Variants in PHYHIPL observed in about 807,000 individuals in gnomAD.
PHYHIPL encodes the protein phytanoyl-CoA hydroxylase-interacting protein-like.
PHYHIPL carries 9 observed loss-of-function variants against 33.4 expected under a neutral mutation model. The ratio of observed to expected loss-of-function variants is 0.27; its 90% confidence interval spans 0.16 to 0.47. The LOEUF is 0.47. Ranked by LOEUF, PHYHIPL falls within the 20% of genes least tolerant of loss-of-function variation. The pLI is 0.99. For synonymous variants in PHYHIPL, 153 were observed against 154.1 expected (o/e 0.99, Z 0.05); for missense variants, 365 against 460.7 (o/e 0.79, Z 1.90).
At chr10:59,178,959 T>G (rs1838326880) in intron 1 of PHYHIPL, among the ~76,000 whole-genome samples, 1 of 152,146 alleles carries the variant, frequency 6.6e-6, no homozygotes, top group Non-Finnish European at 1.5e-5. Context: ...ATAGACTAAT[T>G]AAATAGGGTT....
intron 1 of PHYHIPL, among the ~76,000 whole-genome samples, chr10:59,193,623 T>G (rs1341063717): frequency 6.6e-6 from 1 of 152,202 alleles, no homozygotes; most frequent in Non-Finnish European, 1.5e-5. Flanking sequence ...AGTCTCTTTT[T>G]TTAAACTTAT....
chr10:59,198,253 C>A (rs1294563991), intron 1 of PHYHIPL, among the ~76,000 whole-genome samples: 1 of 151,400 alleles, frequency 6.6e-6, no homozygotes, highest in Non-Finnish European at 1.5e-5. Flanking sequence ...CTTCCTGTGT[C>A]CAAGTGTTCT....
intron 1 of PHYHIPL, among the ~76,000 whole-genome samples, chr10:59,192,285 C>G (rs1013369996): frequency 1.3e-5 from 2 of 151,940 alleles, no homozygotes; most frequent in Non-Finnish European, 2.9e-5. Context: ...TCTCAGTCAC[C>G]TCTTTATTAA....
intron 1 of PHYHIPL, among the ~76,000 whole-genome samples, chr10:59,204,509 T>G (rs1041091487): frequency 6.6e-6 from 1 of 152,188 alleles, no homozygotes; most frequent in African/African-American, 2.4e-5. Flanking sequence ...AGGAGGAGAA[T>G]TTCAGAGTCC....
At chr10:59,227,412 T>A (rs1364263688) in intron 1 of PHYHIPL, among the ~76,000 whole-genome samples, 2 of 152,142 alleles carry the variant, frequency 1.3e-5, no homozygotes, top group African/African-American at 4.8e-5. Context: ...TCCCATGAGA[T>A]GGCATTAATC....
intron 1 of PHYHIPL, among the ~76,000 whole-genome samples, chr10:59,209,063 A>G (rs1839369247): frequency 6.6e-6 from 1 of 152,100 alleles, no homozygotes; most frequent in Non-Finnish European, 1.5e-5. Context: ...ATTCAAATTC[A>G]GGAAATACAG....
chr10:59,219,355 A>G (rs750983658), intron 1 of PHYHIPL: 14 of 437,076 alleles, frequency 3.2e-5, no homozygotes, highest in Admixed American at 2.6e-4. Flanking sequence ...TGAAGTACCC[A>G]TCAATAAGTT....
At chr10:59,241,308 C>G (rs1840387413) in intron 4 of PHYHIPL, among the ~76,000 whole-genome samples, 1 of 151,436 alleles carries the variant, frequency 6.6e-6, no homozygotes. Context: ...GTTTATAATC[C>G]ATTTTGAATT....
At chr10:59,181,575 C>A (rs11599871) in intron 1 of PHYHIPL, among the ~76,000 whole-genome samples, 63 of 152,274 alleles carry the variant, frequency 4.1e-4, no homozygotes, top group Non-Finnish European at 5.6e-4. Flanking sequence ...TAGAGCCCTT[C>A]TCTGTTCTTA....
chr10:59,204,235 G>A (rs1288188871), intron 1 of PHYHIPL, among the ~76,000 whole-genome samples: 1 of 152,144 alleles, frequency 6.6e-6, no homozygotes, highest in Non-Finnish European at 1.5e-5. Context: ...CTTCTATCCT[G>A]CTAGGAGACT....
At chr10:59,186,796 T>C (rs1838619260) in intron 1 of PHYHIPL, among the ~76,000 whole-genome samples, 1 of 152,184 alleles carries the variant, frequency 6.6e-6, no homozygotes. Context: ...ATGCTTGTGA[T>C]TTTTGTACAT....
intron 1 of PHYHIPL, among the ~76,000 whole-genome samples, chr10:59,223,593 T>C (rs1839838013): frequency 6.6e-6 from 1 of 152,116 alleles, no homozygotes; most frequent in African/African-American, 2.4e-5. Flanking sequence ...TGTAAATAAA[T>C]ATGAATAACG....
At position 59,218,034 on chromosome 10, in the gene PHYHIPL, A is replaced by G. The variant is rs1340417416; in HGVS notation, c.107-16270A>G. 2.6e-5 allele frequency among the ~76,000 whole-genome samples: 4 copies of G among 152,168 alleles called. No homozygotes were observed. In the East Asian group the frequency reaches 5.8e-4, roughly 22 times the overall value. On this transcript the variant is annotated intron_variant, in intron 1 of 4. Coordinates refer to ENST00000373880, the MANE Select transcript of PHYHIPL (RefSeq NM_032439.4). ...ATACGTATACTTGACATCAGACCCAAAGTTGCCAGTGGCATTGCTCGGAGT... is the reference window on the plus strand; with the variant it reads ...ATACGTATACTTGACATCAGACCCAGAGTTGCCAGTGGCATTGCTCGGAGT...
At chr10:59,193,906 T>G (rs1000954496) in intron 1 of PHYHIPL, among the ~76,000 whole-genome samples, 2 of 152,122 alleles carry the variant, frequency 1.3e-5, no homozygotes, top group Non-Finnish European at 2.9e-5. Context: ...TTGCTGTTTA[T>G]ACTACTTGTT....
chr10:59,204,990 A>G (rs1168034452), intron 1 of PHYHIPL, among the ~76,000 whole-genome samples: 4 of 150,878 alleles, frequency 2.7e-5, no homozygotes, highest in Non-Finnish European at 5.9e-5. Flanking sequence ...CCAGCCTCCC[A>G]AGTGGCTGGG....
At chr10:59,187,023 G>C (rs1838627079) in intron 1 of PHYHIPL, among the ~76,000 whole-genome samples, 1 of 152,124 alleles carries the variant, frequency 6.6e-6, no homozygotes, top group Admixed American at 6.5e-5. Flanking sequence ...GGTGAGAGAG[G>C]GCATCCCTGT....
intron 1 of PHYHIPL, among the ~76,000 whole-genome samples, chr10:59,217,397 T>C (rs1412613834): frequency 6.6e-6 from 1 of 152,020 alleles, no homozygotes; most frequent in Non-Finnish European, 1.5e-5. Flanking sequence ...AATTTGTCAA[T>C]AACTATTATG....
chr10:59,209,870 A>G (rs1332423981), intron 1 of PHYHIPL, among the ~76,000 whole-genome samples: 1 of 152,240 alleles, frequency 6.6e-6, no homozygotes, highest in Non-Finnish European at 1.5e-5. Flanking sequence ...AGCCATATAC[A>G]GAAAACTGAA....
intron 4 of PHYHIPL, among the ~76,000 whole-genome samples, chr10:59,242,001 C>A (rs1840412661): frequency 6.6e-6 from 1 of 152,264 alleles, no homozygotes; most frequent in Non-Finnish European, 1.5e-5. Context: ...CCCAGGCAAA[C>A]AGTATAGGAA....
Sources: gnomAD v4.1 joint callset for allele counts (sites outside exome capture counted in the v4.1 genomes callset) on GRCh38, gnomAD v4.1.1 for gene constraint, MANE v1.5 for transcripts, NCBI Gene and HGNC (gene_info 2026-07-23, HGNC 2026-07-21) for gene names.